The following FILIP1 variants were observed in gnomAD, a reference collection of about 807,000 sequenced individuals.
FILIP1 encodes filamin-A-interacting protein 1.
A neutral mutation model predicts 102.1 loss-of-function variants in FILIP1; 61 were observed. The observed-to-expected ratio is 0.60, with a 90% confidence interval of 0.49 to 0.74. The LOEUF is 0.74. FILIP1 is among the 30% of genes least tolerant of loss of function. The pLI, the probability that FILIP1 is intolerant of heterozygous loss-of-function variation, is 0.00. For missense variants in FILIP1, 1,314 were observed against 1,441.2 expected (o/e 0.91, Z 1.43); for synonymous variants, 491 against 526.9 (o/e 0.93, Z 0.93).
At chr6:75,302,080 C>G (rs1222570679) in intron 6 of FILIP1, among the ~76,000 whole-genome samples, 1 of 152,160 alleles carries the variant, frequency 6.6e-6, no homozygotes, top group Non-Finnish European at 1.5e-5. Context: ...ATTTGTAACT[C>G]ATGCATGTAC....
chr6:75,452,437 C>T (rs1778665940), intron 1 of FILIP1, among the ~76,000 whole-genome samples: 2 of 152,106 alleles, frequency 1.3e-5, no homozygotes, highest in Non-Finnish European at 2.9e-5. Context: ...AGGACATGAA[C>T]TCATCATTTT....
downstream of FILIP1, among the ~76,000 whole-genome samples, chr6:75,306,862 G>A (rs570778413): frequency 1.2e-5 from 1 of 83,940 alleles, no homozygotes; most frequent in South Asian, 3.2e-4. Context: ...GAGTGCAGTG[G>A]CATGATCTTG....
At chr6:75,430,516 G>A (rs1452481815) in intron 1 of FILIP1, among the ~76,000 whole-genome samples, 1 of 151,970 alleles carries the variant, frequency 6.6e-6, no homozygotes, top group East Asian at 1.9e-4. Flanking sequence ...AATATTATAT[G>A]TATATAGTAT....
chr6:75,400,397 G>C (rs1216976268), intron 2 of FILIP1, among the ~76,000 whole-genome samples: 1 of 152,108 alleles, frequency 6.6e-6, no homozygotes, highest in Non-Finnish European at 1.5e-5. Flanking sequence ...ACTTAAAATA[G>C]TTCCTTAAAA....
downstream of FILIP1, among the ~76,000 whole-genome samples, chr6:75,307,845 G>T (rs566239040): frequency 5.7e-4 from 87 of 152,250 alleles, no homozygotes; most frequent in Non-Finnish European, 1.0e-3. Flanking sequence ...TGGCATTAAT[G>T]TATCAGAATT....
intron 1 of FILIP1, among the ~76,000 whole-genome samples, chr6:75,425,215 T>C (rs1279771823): frequency 6.6e-6 from 1 of 152,204 alleles, no homozygotes; most frequent in Non-Finnish European, 1.5e-5. Context: ...GTTTATTTGA[T>C]GTTTAAAGAT....
At chr6:75,349,709 G>T (rs1010885968) in intron 4 of FILIP1, among the ~76,000 whole-genome samples, 2 of 152,162 alleles carry the variant, frequency 1.3e-5, no homozygotes, top group African/African-American at 4.8e-5. Flanking sequence ...TCCCCTGCAG[G>T]TGCTGTGGCC....
At chr6:75,475,858 C>G (rs907340938) in intron 1 of FILIP1, among the ~76,000 whole-genome samples, 10 of 152,082 alleles carry the variant, frequency 6.6e-5, no homozygotes, top group African/African-American at 2.4e-4. Flanking sequence ...AGCACAGTTC[C>G]TAATATGGTA....
intron 1 of FILIP1, among the ~76,000 whole-genome samples, chr6:75,416,438 T>C (rs967862082): frequency 6.6e-6 from 1 of 152,136 alleles, no homozygotes; most frequent in African/African-American, 2.4e-5. Flanking sequence ...CAATGATTAG[T>C]TCCCAATTTT....
chr6:75,371,108 A>AT (rs1201252585), intron 2 of FILIP1, among the ~76,000 whole-genome samples: 1 of 152,138 alleles, frequency 6.6e-6, no homozygotes, highest in South Asian at 2.1e-4. Flanking sequence ...AATTAAACCC[A>AT]TTTTTTCCAC....
At chr6:75,447,430 G>A (rs556020602) in intron 1 of FILIP1, among the ~76,000 whole-genome samples, 1 of 152,192 alleles carries the variant, frequency 6.6e-6, no homozygotes, top group African/African-American at 2.4e-5. Flanking sequence ...TGAGGTCAAG[G>A]TATCCTAAAG....
At chr6:75,356,991 T>C (rs1159658939) in intron 3 of FILIP1, among the ~76,000 whole-genome samples, 2 of 152,176 alleles carry the variant, frequency 1.3e-5, no homozygotes, top group East Asian at 1.9e-4. Flanking sequence ...TGCTTTATCA[T>C]AAAATAGGAC....
At chr6:75,464,117 G>A (rs774237855) in intron 1 of FILIP1, among the ~76,000 whole-genome samples, 1 of 152,114 alleles carries the variant, frequency 6.6e-6, no homozygotes, top group Admixed American at 6.6e-5. Context: ...GACCCTTGAC[G>A]TCATCCTTTT....
At chr6:75,379,059 G>A (rs1463183550) in intron 2 of FILIP1, among the ~76,000 whole-genome samples, 1 of 152,074 alleles carries the variant, frequency 6.6e-6, no homozygotes, top group African/African-American at 2.4e-5. Flanking sequence ...CGAACTTAAT[G>A]CTTTCATTTA....
chr6:75,492,879 C>T (rs900515853), intron 1 of FILIP1, among the ~76,000 whole-genome samples: 3 of 152,106 alleles, frequency 2.0e-5, no homozygotes, highest in African/African-American at 7.2e-5. Context: ...TCTAGTGTAA[C>T]GAGGTCAGAA....
chr6:75,297,314 T>G (rs1772708968), intron 6 of FILIP1, among the ~76,000 whole-genome samples: 1 of 152,196 alleles, frequency 6.6e-6, no homozygotes, highest in African/African-American at 2.4e-5. Context: ...TTACACACAG[T>G]GCATGATTAC....
chr6:75,400,441 A>T (rs1776616312), intron 2 of FILIP1, among the ~76,000 whole-genome samples: 1 of 152,208 alleles, frequency 6.6e-6, no homozygotes, highest in Non-Finnish European at 1.5e-5. Flanking sequence ...CTTGTTAAAA[A>T]TAGTCAATTT....
intron 2 of FILIP1, among the ~76,000 whole-genome samples, chr6:75,397,600 AT>A (rs59521407): frequency 0.68 from 101,629 of 149,978 alleles, 34,739 homozygotes; most frequent in Middle Eastern, 0.77. Flanking sequence ...ATATATATAT[AT>A]ATAATTCCAA....
chr6:75,322,149 T>C (rs757357924), intron 4 of FILIP1, among the ~76,000 whole-genome samples: 10 of 152,210 alleles, frequency 6.6e-5, no homozygotes, highest in Admixed American at 1.3e-4. Flanking sequence ...AAACAAGCAT[T>C]CGGCATTCAG....
Sources: gnomAD v4.1 joint callset for allele counts (sites outside exome capture counted in the v4.1 genomes callset) on GRCh38, gnomAD v4.1.1 for gene constraint, MANE v1.5 for transcripts, NCBI Gene and HGNC (gene_info 2026-07-23, HGNC 2026-07-21) for gene names.